Variants in GGA3 observed in about 807,000 individuals in gnomAD.
GGA3 encodes the protein ADP-ribosylation factor-binding protein GGA3.
In GGA3, 57 loss-of-function variants were observed where a neutral mutation model predicts 77.5. That is an observed-to-expected ratio of 0.74 (90% CI 0.59 to 0.92). The LOEUF (loss-of-function observed/expected upper bound fraction) is 0.92. Ranked by LOEUF, GGA3 falls within the 40% of genes least tolerant of loss-of-function variation. GGA3 has a pLI of 0.00. For synonymous variants in GGA3, 416 were observed against 383.7 expected (o/e 1.08, Z -0.98); for missense variants, 970 against 914.9 (o/e 1.06, Z -0.78).
At chr17:75,261,052 G>A (rs939562453) in intron 1 of GGA3, among the ~76,000 whole-genome samples, 1 of 152,194 alleles carries the variant, frequency 6.6e-6, no homozygotes, top group African/African-American at 2.4e-5. Flanking sequence ...CTGCCTGAGC[G>A]AAGCCGTCAC....
rs942168908 is a variant in GGA3 at position 75,246,492 on chromosome 17, G to A, written c.201+17C>T. 1 of 1,550,804 alleles carries A rather than the reference G, an allele frequency of 6.4e-7. No homozygotes were observed. Among genetic ancestry groups the A allele is most frequent in the East Asian group, 2.2e-5 (1 of 44,596 alleles). On this transcript the variant is annotated intron_variant, in intron 3 of 16. Coordinates refer to ENST00000537686, the MANE Select transcript of GGA3 (RefSeq NM_138619.4). ...TGAAGGGCTGCGGTTTCCACCTCCGGAGAGTGAAGGACCTACCGTCAGGGC... is the reference window on the plus strand; with the variant it reads ...TGAAGGGCTGCGGTTTCCACCTCCGAAGAGTGAAGGACCTACCGTCAGGGC...
intron 1 of GGA3, among the ~76,000 whole-genome samples, chr17:75,255,446 T>TC (rs878925193): frequency 1.4e-5 from 2 of 143,870 alleles, no homozygotes; most frequent in African/African-American, 2.6e-5. Context: ...CCTCTTGTAT[T>TC]CCCCCCCACC....
At position 75,242,777 on chromosome 17, in the gene GGA3, C is replaced by A. The variant is rs1029446559; in HGVS notation, c.609+54G>T. On this transcript the variant is annotated intron_variant, in intron 7 of 16. Transcript: ENST00000537686. ...CGTGTCCGGGGCAAAGCGGCTTCTG[C>A]TGTGTGGCCATGGGCTCCTCCACCC... The A allele has an allele frequency of 4.3e-6, 6 of 1,394,978 alleles. No homozygotes were observed. In the Admixed American group the frequency reaches 1.0e-4, roughly 23 times the overall value. The allele number at this position is 1,394,978 out of a possible 1,614,324, so 86.4% of individuals were successfully genotyped here.
Position 75,238,186 on chromosome 17 carries a change from T to A in GGA3, c.*93A>T. On this transcript the variant is annotated 3_prime_UTR_variant, in exon 17 of 17. Coordinates refer to ENST00000537686, the MANE Select transcript of GGA3 (RefSeq NM_138619.4). Reference sequence around the variant, plus strand: ...TTCCACATCAAAGCTACAAGCACTGTTGTCAGGGCATGGAGAGTGACGGGA... The same window carrying A: ...TTCCACATCAAAGCTACAAGCACTGATGTCAGGGCATGGAGAGTGACGGGA... 6.5e-7 allele frequency: 1 copy of A among 1,535,538 alleles called. No homozygotes were observed. The highest frequency in any genetic ancestry group is 8.8e-7 in the Non-Finnish European group (1 of 1,141,098).
At chr17:75,256,501 C>T (rs1253081659) in intron 1 of GGA3, among the ~76,000 whole-genome samples, 1 of 152,120 alleles carries the variant, frequency 6.6e-6, no homozygotes, top group Admixed American at 6.6e-5. Context: ...CACCCCATTT[C>T]CCCATATTTC....
Position 75,239,460 on chromosome 17 carries a change from CAG to C in GGA3, c.1693_1694del (p.Leu565GlufsTer13). On this transcript the variant is annotated frameshift_variant, in exon 14 of 17. Transcript: ENST00000537686. LOFTEE classifies it high-confidence loss of function. The stretch of plus-strand genomic sequence containing the variant: ...GGGGGCTGCCCTGGGACTGGAAACT[CAG>C]TGGCTGGAAGAGCGGGCTGCCGGGC... ...TGPGSPLFQPLSFQSQGSPPK... is the reference protein window; with the variant it reads ...TGPGSPLFQPXSFQSQGSPPK... 6.3e-7 allele frequency: 1 copy of C among 1,581,192 alleles called. No homozygotes were observed. Among genetic ancestry groups the C allele is most frequent in the Non-Finnish European group, 8.5e-7 (1 of 1,171,250 alleles).
At chr17:75,261,628 G>C (rs1289546219), upstream of GGA3, 8 of 1,510,680 alleles carry the variant, frequency 5.3e-6, no homozygotes, top group Non-Finnish European at 5.3e-6. Context: ...ACTCGCGAGA[G>C]TCTGCACGAG....
At position 75,241,652 on chromosome 17, in the gene GGA3, T is replaced by C. The variant is rs769416513; in HGVS notation, c.792A>G (p.Lys264=). Residue 264 remains lysine (K), a synonymous_variant, in exon 9 of 17, where the codon AAA becomes AAG. Coordinates refer to ENST00000537686, the MANE Select transcript of GGA3 (RefSeq NM_138619.4). The part of the protein sequence containing the change: ...QCENKRRTLF[K]LASETEDNDN... ...CATTGTCCTCAGTCTCACTGGCGAG[T>C]TTAAATAAAGTCCGCCTCTTGTTCT... The C allele has an allele frequency of 1.9e-6, 3 of 1,613,864 alleles. No homozygotes were observed. The East Asian group carries it at 6.7e-5, about 36-fold the overall frequency.
At chr17:75,261,316 G>C (rs2077364003) in intron 1 of GGA3, among the ~76,000 whole-genome samples, 1 of 152,252 alleles carries the variant, frequency 6.6e-6, no homozygotes, top group Non-Finnish European at 1.5e-5. Flanking sequence ...CCGAGTTCAC[G>C]CCGCCGCGCG....
In GGA3 at chr17:75,243,109, G is replaced by C. The variant is rs143034707; in HGVS notation, c.482C>G (p.Pro161Arg). 172 of 1,613,382 alleles carry C rather than the reference G, an allele frequency of 1.1e-4. No homozygotes were observed. The highest frequency in any genetic ancestry group is 1.4e-4 in the Non-Finnish European group (164 of 1,179,736). ...AAAAACAGGGTTTTTGGGACGAGGT[G>C]GTGGAGAGGGGATCAGCGTCCTATC... Reference protein sequence around the residue: ...PVDRTLIPSPPPRPKNPVFDD... With the variant: ...PVDRTLIPSPRPRPKNPVFDD... Residue 161 changes from proline to arginine, a missense_variant, in exon 6 of 17, where the codon CCA (proline) becomes CGA (arginine). Physicochemically the swap from Pro to Arg is moderately radical, Grantham distance 103. Coordinates refer to ENST00000537686, the MANE Select transcript of GGA3 (RefSeq NM_138619.4).
chr17:75,239,081 T>G lies in GGA3; in HGVS notation c.1783A>C (p.Ser595Arg), dbSNP rs766845445. The change falls in exon 15 of 17, where the codon AGT becomes CGT. Residue 595 changes from serine to arginine, a missense_variant and splice_region_variant. Physicochemically the swap from Ser to Arg is moderately radical, Grantham distance 110 (BLOSUM62 -1). Transcript: ENST00000537686. ...TCGTAGGCTGTCACAGGAAGGGCAC[T>G]GCCTGTAAGAACGTGACGTGAGTGT... ...HVPLESIKPSSALPVTAYDKN... is the reference protein window; with the variant it reads ...HVPLESIKPSRALPVTAYDKN... 4 of 1,612,510 alleles carry G rather than the reference T, an allele frequency of 2.5e-6. No individual in the cohort carries two copies. In the Admixed American group the frequency reaches 6.7e-5, roughly 27 times the overall value.
chr17:75,237,866 G>A lies in GGA3; in HGVS notation c.*413C>T, dbSNP rs1055660116. On this transcript the variant is annotated 3_prime_UTR_variant, in exon 17 of 17. Transcript: ENST00000537686. ...CTTGGGCCGTGCATCTGTCAGGTGTGAGGATGTGGCTCTTGTGGGGAATGA... is the reference window on the plus strand; with the variant it reads ...CTTGGGCCGTGCATCTGTCAGGTGTAAGGATGTGGCTCTTGTGGGGAATGA... 3 of 1,399,558 alleles carry A rather than the reference G, an allele frequency of 2.1e-6. No homozygotes were observed. The highest frequency in any genetic ancestry group is 1.7e-5 in the South Asian group (1 of 59,396). 86.7% of individuals were successfully genotyped at this position (1,399,558 alleles called of 1,614,324 possible).
intron 12 of GGA3, 92 bp downstream of exon 12, chr17:75,240,250 G>C: frequency 8.6e-7 from 1 of 1,158,346 alleles, no homozygotes; most frequent in Non-Finnish European, 1.3e-6. Context: ...ACGCTCTGGA[G>C]GGAAGGACAG....
chr17:75,257,367 C>A (rs553904795), intron 1 of GGA3, among the ~76,000 whole-genome samples: 70 of 150,420 alleles, frequency 4.7e-4, no homozygotes, highest in African/African-American at 1.6e-3. Context: ...CTCATACATG[C>A]CCTGCTCTTG....
intron 5 of GGA3, 132 bp from the exon 6 acceptor site, chr17:75,243,298 T>C: frequency 8.7e-7 from 1 of 1,151,470 alleles, no homozygotes; most frequent in Non-Finnish European, 1.3e-6. Context: ...CTGCTACACC[T>C]TATCCCATCC....
rs574228524 is a variant in GGA3 at position 75,260,499 on chromosome 17, T to C, written c.40+1049A>G. 3.3e-5 allele frequency among the ~76,000 whole-genome samples: 5 copies of C among 152,348 alleles called. No homozygotes were observed. The East Asian group carries it at 9.6e-4, about 29-fold the overall frequency. ...AAACGTGATCTTACTTTTTCTCTCTTTTGGGATATGCTCCCCTTTAAACTG... is the reference window on the plus strand; with the variant it reads ...AAACGTGATCTTACTTTTTCTCTCTCTTGGGATATGCTCCCCTTTAAACTG... On this transcript the variant is annotated intron_variant, in intron 1 of 16. Transcript: ENST00000537686.
chr17:75,259,898 C>A (rs1347831626), intron 1 of GGA3, among the ~76,000 whole-genome samples: 1 of 152,076 alleles, frequency 6.6e-6, no homozygotes, highest in Non-Finnish European at 1.5e-5. Context: ...GTGTGTAATC[C>A]CAGCGCTTTG....
At chr17:75,239,708 C>A (rs2076462723) in intron 13 of GGA3, 81 bp downstream of exon 13, 5 of 1,537,260 alleles carry the variant, frequency 3.3e-6, no homozygotes, top group Admixed American at 1.7e-5. Context: ...ACAAGGCACC[C>A]CCACCCCTTC....
intron 1 of GGA3, among the ~76,000 whole-genome samples, chr17:75,249,802 C>A (rs1451938868): frequency 6.6e-6 from 1 of 152,172 alleles, no homozygotes; most frequent in Admixed American, 6.5e-5. Context: ...ATCCCCCCAA[C>A]CCCCGAAGCA....
Sources: allele counts gnomAD v4.1 joint callset (sites outside exome capture counted in the v4.1 genomes callset), GRCh38; gene constraint gnomAD v4.1.1; transcripts MANE v1.5; gene names NCBI Gene and HGNC (gene_info 2026-07-23, HGNC 2026-07-21).